The following PITX3 variants were observed in gnomAD, a reference collection of about 807,000 sequenced individuals.
The protein encoded by PITX3 is pituitary homeobox 3.
In PITX3, 4 loss-of-function variants were observed where a neutral mutation model predicts 14.2. That is an observed-to-expected ratio of 0.28 (90% confidence interval 0.14 to 0.65). PITX3 has a LOEUF of 0.65. Among genes scored for constraint, PITX3 ranks in the 30% least tolerant of loss-of-function variants. The probability of loss-of-function intolerance (pLI) is 0.82; values close to 1 mark genes in which losing one functional copy is unlikely to be tolerated. For synonymous variants in PITX3, 194 were observed against 204.5 expected (o/e 0.95, Z 0.44); for missense variants, 358 against 426.8 (o/e 0.84, Z 1.42).
At chr10:102,235,795 A>C (rs1345452173) in intron 1 of PITX3, among the ~76,000 whole-genome samples, 2 of 152,110 alleles carry the variant, frequency 1.3e-5, no homozygotes, top group Admixed American at 6.5e-5. Flanking sequence ...TTCCCTGGTG[A>C]ATGAAGGTGA....
In PITX3 at chr10:102,241,113, C is replaced by G. The variant is rs1387802331; in HGVS notation, c.-13+220G>C. The stretch of plus-strand genomic sequence containing the variant: ...TGGTTTCAAGTCTCCGGCTTCGTTC[C>G]GGATCCTCTGAGTCTCCCCCTTCCC... On this transcript the variant is annotated intron_variant, in intron 1 of 3. Transcript: ENST00000370002. This position sits in a 1 kb window ranked among gnomAD's most constrained non-coding sequence, Gnocchi z 6.7. Among the ~76,000 whole-genome samples, 1 of 152,170 alleles carries G rather than the reference C, an allele frequency of 6.6e-6. No individual in the cohort carries two copies. The highest frequency in any genetic ancestry group is 1.5e-5 in the Non-Finnish European group (1 of 68,014).
In PITX3 at chr10:102,230,561, C is replaced by A; in HGVS notation, c.862G>T (p.Ala288Ser). The change falls in exon 4 of 4, where the codon GCA becomes TCA. Residue 288 changes from alanine to serine, a missense_variant. By Grantham distance (99) the Ala-to-Ser change is moderately conservative (BLOSUM62 1). Coordinates refer to ENST00000370002, the MANE Select transcript of PITX3 (RefSeq NM_005029.4). The part of the protein sequence containing the change: ...SYPAVHGPPP[A>S]ANLSPCQYAV... ...TACTGGCACGGACTAAGGTTGGCTG[C>A]CGGGGGCGGCCCGTGCACAGCGGGG... is the stretch of plus-strand genomic sequence containing the variant. The A allele has an allele frequency of 6.2e-7, 1 of 1,610,856 alleles. No homozygotes were observed. The highest frequency in any genetic ancestry group is 8.5e-7 in the Non-Finnish European group (1 of 1,178,866).
intron 1 of PITX3, among the ~76,000 whole-genome samples, chr10:102,235,875 T>A (rs1011743364): frequency 6.6e-6 from 1 of 152,066 alleles, no homozygotes; most frequent in East Asian, 1.9e-4. Flanking sequence ...GGTGACCCAG[T>A]CAACAAGGTA....
At position 102,230,793 on chromosome 10, in the gene PITX3, T is replaced by G. The variant is rs747906994; in HGVS notation, c.630A>C (p.Pro210=). The change falls in exon 4 of 4, where the codon CCA becomes CCC. Residue 210 remains proline, a synonymous_variant. Coordinates refer to ENST00000370002, the MANE Select transcript of PITX3 (RefSeq NM_005029.4). ...PSAAAAPGTV[P]GPGALQGLGG... is the part of the protein sequence containing the mutation. The stretch of plus-strand genomic sequence containing the variant: ...CCAGGCCCTGCAGGGCCCCAGGCCC[T>G]GGCACGGTGCCCGGGGCAGCCGCGG... 1.1e-4 allele frequency: 177 copies of G among 1,547,986 alleles called. No homozygotes were observed. Among genetic ancestry groups the G allele is most frequent in the Non-Finnish European group, 1.5e-4 (168 of 1,146,268 alleles).
At chr10:102,240,121 T>C (rs1328950380) in intron 1 of PITX3, among the ~76,000 whole-genome samples, 2 of 152,224 alleles carry the variant, frequency 1.3e-5, no homozygotes, top group Non-Finnish European at 2.9e-5. Flanking sequence ...GAAGGAGCCA[T>C]TGGTCGCCTG....
intron 1 of PITX3, among the ~76,000 whole-genome samples, chr10:102,238,125 C>A (rs968039810): frequency 6.6e-6 from 1 of 152,160 alleles, no homozygotes; most frequent in Admixed American, 6.5e-5. Context: ...TCTCTGTCTT[C>A]CCCCAACTCT....
intron 1 of PITX3, 137 bp from the exon 2 acceptor site, chr10:102,232,229 C>T: frequency 1.6e-6 from 1 of 639,814 alleles, no homozygotes; most frequent in Non-Finnish European, 2.8e-6. Context: ...CGTGGGGCTC[C>T]TTAGGATAGA....
At chr10:102,240,486 G>A (rs2070505105) in intron 1 of PITX3, among the ~76,000 whole-genome samples, 1 of 152,214 alleles carries the variant, frequency 6.6e-6, no homozygotes, top group Non-Finnish European at 1.5e-5. Flanking sequence ...GCTGGGATTT[G>A]AGGTGACCCA....
chr10:102,230,366 A>C lies in PITX3; in HGVS notation c.*148T>G. 1.6e-6 allele frequency: 2 copies of C among 1,217,294 alleles called. No homozygotes were observed. The highest frequency in any genetic ancestry group is 2.3e-6 in the Non-Finnish European group (2 of 887,470). 75.4% of individuals were successfully genotyped at this position (1,217,294 alleles called of 1,614,324 possible). A position where few individuals can be genotyped will look rare whatever the true frequency, so the allele number is the denominator to read the frequency against. On this transcript the variant is annotated 3_prime_UTR_variant, in exon 4 of 4. Transcript: ENST00000370002. ...GTCCACCCCTCAGGGCTGGGAGGGG[A>C]AGGCCCTCTCCTGAGCCGGTGCCCC...
At chr10:102,231,890 G>A in intron 2 of PITX3, 73 bp downstream of exon 2, 7 of 1,555,964 alleles carry the variant, frequency 4.5e-6, no homozygotes, top group Non-Finnish European at 6.2e-6. Context: ...CACCGGGGCT[G>A]CCCAGCCGGG....
chr10:102,232,101 G>A lies in PITX3; in HGVS notation c.-12-9C>T, dbSNP rs1270054903. 1 of 1,475,342 alleles carries A rather than the reference G, an allele frequency of 6.8e-7. No individual in the cohort carries two copies. The allele number at this position is 1,475,342 out of a possible 1,614,324, so 91.4% of individuals were successfully genotyped here. On this transcript the variant is annotated splice_polypyrimidine_tract_variant and intron_variant, in intron 1 of 3. Transcript: ENST00000370002. ...TCCATGGAGGGAGGGCTCTGGAGGCGAGAGAAGACACAGACCAGGGTAATG... is the reference window on the plus strand; with the variant it reads ...TCCATGGAGGGAGGGCTCTGGAGGCAAGAGAAGACACAGACCAGGGTAATG...
intron 1 of PITX3, among the ~76,000 whole-genome samples, chr10:102,234,565 T>G (rs1321822520): frequency 1.3e-5 from 2 of 152,052 alleles, no homozygotes; most frequent in Non-Finnish European, 2.9e-5. Flanking sequence ...TATGGTAGCC[T>G]TGGCTGGGAA....
At chr10:102,231,874 G>A in intron 2 of PITX3, 84 bp from the exon 3 acceptor site, 1 of 1,566,722 alleles carries the variant, frequency 6.4e-7, no homozygotes, top group Non-Finnish European at 8.7e-7. Flanking sequence ...GCCACTCGCT[G>A]GCTCCCACCG....
chr10:102,231,515 C>A, intron 3 of PITX3, 73 bp downstream of exon 3: 2 of 1,031,328 alleles, frequency 1.9e-6, no homozygotes, highest in Admixed American at 2.0e-5. Flanking sequence ...TGGGGTGGAA[C>A]CGCTGGCCTC....
chr10:102,236,505 C>T (rs746904909), intron 1 of PITX3, among the ~76,000 whole-genome samples: 4 of 152,132 alleles, frequency 2.6e-5, no homozygotes, highest in Non-Finnish European at 4.4e-5. Flanking sequence ...GTACAGAGGG[C>T]CTACAGGTAT....
chr10:102,235,766 G>C (rs1340820881), intron 1 of PITX3, among the ~76,000 whole-genome samples: 1 of 152,176 alleles, frequency 6.6e-6, no homozygotes, highest in Non-Finnish European at 1.5e-5. Context: ...CCCAGACTCT[G>C]TATCCTCCAG....
chr10:102,234,720 A>C (rs1413890411), intron 1 of PITX3, among the ~76,000 whole-genome samples: 1 of 152,114 alleles, frequency 6.6e-6, no homozygotes, highest in Non-Finnish European at 1.5e-5. Context: ...TGGAAGCAAC[A>C]TGGAGCTGGG....
intron 1 of PITX3, among the ~76,000 whole-genome samples, chr10:102,233,493 G>A (rs2070309166): frequency 2.0e-5 from 3 of 151,694 alleles, no homozygotes; most frequent in Non-Finnish European, 4.4e-5. Flanking sequence ...TAGTAGAGAC[G>A]GGGTTTCACC....
chr10:102,231,174 G>A (rs1283972970), intron 3 of PITX3, 73 bp from the exon 4 acceptor site: 10 of 1,378,850 alleles, frequency 7.3e-6, no homozygotes, highest in African/African-American at 1.5e-5. Flanking sequence ...CCACCCCGAC[G>A]GGGCTTCCAG....
Sources: gnomAD v4.1 joint callset for allele counts (sites outside exome capture counted in the v4.1 genomes callset) on GRCh38, gnomAD v4.1.1 for gene constraint, Gnocchi (gnomAD v3.1) non-coding constraint, MANE v1.5 for transcripts, NCBI Gene and HGNC (gene_info 2026-07-23, HGNC 2026-07-21) for gene names.